The following PARD3 variants were observed in gnomAD, a reference collection of about 807,000 sequenced individuals.
PARD3 encodes par-3 family cell polarity regulator, also known as partitioning defective 3 homolog.
Under a neutral mutation model 155.4 loss-of-function variants are expected in PARD3, and 75 were observed. That is an observed-to-expected ratio of 0.48 (90% CI 0.40 to 0.58). PARD3 has a LOEUF of 0.58. Among genes scored for constraint, PARD3 ranks in the 20% least tolerant of loss-of-function variants. The pLI, the probability that PARD3 is intolerant of heterozygous loss-of-function variation, is 0.00. For synonymous variants in PARD3, 576 were observed against 610.5 expected, an observed-to-expected ratio of 0.94 and a Z score of 0.83; for missense variants, 1,642 against 1,721.7, an observed-to-expected ratio of 0.95 and a Z score of 0.82.
chr10:34,680,078 TATAAAA>T (rs1291135645), intron 2 of PARD3, among the ~76,000 whole-genome samples: 8 of 152,038 alleles, frequency 5.3e-5, no homozygotes, highest in East Asian at 3.9e-4. Context: ...TATCTAAATA[TATAAAA>T]ATAAAAATAA....
At chr10:34,561,508 A>T (rs990760855) in intron 2 of PARD3, among the ~76,000 whole-genome samples, 1 of 151,126 alleles carries the variant, frequency 6.6e-6, no homozygotes, top group East Asian at 1.9e-4. Context: ...ACGCACATTT[A>T]TTTTTTTTTA....
chr10:34,204,117 C>T (rs1951349486), intron 22 of PARD3, among the ~76,000 whole-genome samples: 1 of 152,136 alleles, frequency 6.6e-6, no homozygotes, highest in Non-Finnish European at 1.5e-5. Context: ...AAGGTAAGTA[C>T]ATCAACATTT....
chr10:34,228,863 A>T (rs1277576304), intron 22 of PARD3, among the ~76,000 whole-genome samples: 1 of 152,044 alleles, frequency 6.6e-6, no homozygotes, highest in Non-Finnish European at 1.5e-5. Flanking sequence ...TGTGTTTCTG[A>T]GGCAGGTAAC....
intron 2 of PARD3, among the ~76,000 whole-genome samples, chr10:34,619,389 C>T (rs1052450229): frequency 5.3e-5 from 8 of 152,022 alleles, no homozygotes; most frequent in African/African-American, 1.9e-4. Flanking sequence ...CTCAACTCCA[C>T]CTTCTCCTAA....
intron 19 of PARD3, among the ~76,000 whole-genome samples, chr10:34,319,820 T>C (rs777966010): frequency 4.6e-5 from 7 of 152,190 alleles, no homozygotes; most frequent in East Asian, 1.9e-4. Context: ...TTTTGAGATA[T>C]GGGTGTGGCC....
chr10:34,518,719 A>G (rs999831295), intron 2 of PARD3, among the ~76,000 whole-genome samples: 6 of 152,226 alleles, frequency 3.9e-5, no homozygotes, highest in African/African-American at 1.4e-4. Flanking sequence ...ATGGCAACAG[A>G]AATCATCATT....
intron 2 of PARD3, among the ~76,000 whole-genome samples, chr10:34,546,245 C>T (rs577925835): frequency 6.6e-6 from 1 of 152,098 alleles, no homozygotes; most frequent in South Asian, 2.1e-4. Context: ...AGGCCGGGCA[C>T]AGTGGCTCAC....
rs750688603 is a variant in PARD3, at chr10:34,605,180, A to ATTTTTT, written c.223-88027_223-88022dup. 2.6e-4 allele frequency among the ~76,000 whole-genome samples: 16 copies of ATTTTTT among 62,482 alleles called. 1 individual carries two copies. Among genetic ancestry groups the ATTTTTT allele is most frequent in the African/African-American group, 6.1e-4 (11 of 18,114 alleles). 41.0% of individuals were successfully genotyped at this position (62,482 alleles called of 152,430 possible). On this transcript the variant is annotated intron_variant, in intron 2 of 24. Transcript: ENST00000374788. ...TGATCTGAAACAGCCCCAAAATGAA[A>ATTTTTT]TTTTTTTTTTTTTTTTTTTTTTTTT...
rs574829315 is a variant in PARD3 at position 34,579,908 on chromosome 10, G to GAA, written c.223-62751_223-62750dup. 3.1e-3 allele frequency among the ~76,000 whole-genome samples: 407 copies of GAA among 130,336 alleles called. 1 individual carries two copies. Among genetic ancestry groups the GAA allele is most frequent in the African/African-American group, 0.01 (376 of 36,268 alleles). 85.5% of individuals were successfully genotyped at this position (130,336 alleles called of 152,430 possible). On this transcript the variant is annotated intron_variant, in intron 2 of 24. Transcript: ENST00000374788. ...GCCTAGAGCTACCATTTTCACTACA[G>GAA]AAAAAAAAAAAAATAGTTTTTGAGA... is the stretch of plus-strand genomic sequence containing the variant.
chr10:34,667,624 T>C (rs2093518926), intron 2 of PARD3, among the ~76,000 whole-genome samples: 4 of 152,204 alleles, frequency 2.6e-5, no homozygotes, highest in Admixed American at 2.6e-4. Context: ...TGGAAAAGTA[T>C]TTGCTAGATG....
At chr10:34,366,551 A>C (rs966935539) in intron 12 of PARD3, among the ~76,000 whole-genome samples, 3 of 152,172 alleles carry the variant, frequency 2.0e-5, no homozygotes, top group African/African-American at 7.2e-5. Context: ...AGCTCTAAAA[A>C]AAACCATGCC....
intron 1 of PARD3, among the ~76,000 whole-genome samples, chr10:34,707,874 C>A (rs1161605350): frequency 6.6e-6 from 1 of 152,198 alleles, no homozygotes; most frequent in East Asian, 1.9e-4. Flanking sequence ...TCTCACTGCA[C>A]CTCACCCTGG....
intron 2 of PARD3, among the ~76,000 whole-genome samples, chr10:34,604,467 CTTCCGTTTTGGGACTCTGGCT>C (rs1312739937): frequency 1.3e-5 from 2 of 151,992 alleles, no homozygotes; most frequent in East Asian, 3.9e-4. Context: ...ACTCCAAGAT[CTTCCGTTTTGGGACTCTGGCT>C]CTCCTTGCTC....
chr10:34,578,462 C>A (rs1261396482), intron 2 of PARD3, among the ~76,000 whole-genome samples: 1 of 152,160 alleles, frequency 6.6e-6, no homozygotes, highest in Non-Finnish European at 1.5e-5. Flanking sequence ...TACCAATGAG[C>A]AACAGAATTG....
chr10:34,598,817 G>C (rs1056916748), intron 2 of PARD3, among the ~76,000 whole-genome samples: 1 of 152,136 alleles, frequency 6.6e-6, no homozygotes, highest in Non-Finnish European at 1.5e-5. Flanking sequence ...TTACAGATCT[G>C]AACACTCAGA....
intron 19 of PARD3, among the ~76,000 whole-genome samples, chr10:34,322,224 T>C (rs1958424568): frequency 1.3e-5 from 2 of 152,128 alleles, no homozygotes; most frequent in African/African-American, 4.8e-5. Flanking sequence ...TCCCTTCTGT[T>C]AGACAGCAAT....
chr10:34,513,274 T>C (rs920065120), intron 3 of PARD3, among the ~76,000 whole-genome samples: 3 of 152,270 alleles, frequency 2.0e-5, no homozygotes, highest in South Asian at 4.1e-4. Flanking sequence ...CCCTTCTCCA[T>C]AGGTTGGTTA....
chr10:34,641,017 T>C (rs1246514929), intron 2 of PARD3, among the ~76,000 whole-genome samples: 1 of 152,152 alleles, frequency 6.6e-6, no homozygotes, highest in Non-Finnish European at 1.5e-5. Flanking sequence ...AAGGAAAATT[T>C]CAGAAGAGTA....
At chr10:34,491,059 G>A (rs1208064906) in intron 3 of PARD3, among the ~76,000 whole-genome samples, 1 of 152,166 alleles carries the variant, frequency 6.6e-6, no homozygotes, top group Non-Finnish European at 1.5e-5. Flanking sequence ...GAATGAATAG[G>A]TCTGGATGGG....
Sources: allele counts gnomAD v4.1 joint callset (sites outside exome capture counted in the v4.1 genomes callset), GRCh38; gene constraint gnomAD v4.1.1; transcripts MANE v1.5; gene names NCBI Gene and HGNC (gene_info 2026-07-23, HGNC 2026-07-21).